LOXL2: variants seen among roughly 807,000 people sequenced by gnomAD.
The protein encoded by LOXL2 is lysyl oxidase like 2.
In LOXL2, 70 loss-of-function variants were observed where a neutral mutation model predicts 93.0. That is an observed-to-expected ratio of 0.75 (90% CI 0.62 to 0.92). LOXL2 has a LOEUF of 0.92. LOXL2 is among the 40% of genes least tolerant of loss of function. The probability of loss-of-function intolerance (pLI) is 0.00; values close to 1 mark genes in which losing one functional copy is unlikely to be tolerated. For missense variants in LOXL2, 973 were observed against 1,054.9 expected, an observed-to-expected ratio of 0.92 and a Z score of 1.08; for synonymous variants, 438 against 413.2, an observed-to-expected ratio of 1.06 and a Z score of -0.73.
chr8:23,330,823 G>A (rs1422000410), intron 5 of LOXL2, among the ~76,000 whole-genome samples: 2 of 151,798 alleles, frequency 1.3e-5, no homozygotes, highest in African/African-American at 4.8e-5. Flanking sequence ...GGGGGGTGGT[G>A]GACTGATTGT....
At chr8:23,355,525 T>C (rs1183301823) in intron 3 of LOXL2, among the ~76,000 whole-genome samples, 1 of 146,120 alleles carries the variant, frequency 6.8e-6, no homozygotes, top group Non-Finnish European at 1.5e-5. Flanking sequence ...TTTTTTTTTT[T>C]TTTTTTTTTT....
At chr8:23,377,960 G>A (rs995757470) in intron 1 of LOXL2, among the ~76,000 whole-genome samples, 7 of 152,170 alleles carry the variant, frequency 4.6e-5, no homozygotes, top group African/African-American at 7.2e-5. Context: ...ATATTGTTAC[G>A]TGTAAATTTG....
chr8:23,316,637 A>C, intron 9 of LOXL2: 1 of 338,304 alleles, frequency 3.0e-6, no homozygotes, highest in East Asian at 5.2e-5. Context: ...ACCTCATTTA[A>C]CTGGCATGAC....
chr8:23,303,387 T>C lies in LOXL2; in HGVS notation c.1891A>G (p.Ser631Gly), dbSNP rs367743749. 6.1e-5 allele frequency: 97 copies of C among 1,600,536 alleles called. No individual in the cohort carries two copies. Among genetic ancestry groups the C allele is most frequent in the Non-Finnish European group, 7.9e-5 (92 of 1,168,078 alleles). ...TCATAGTGGGTGAACACCTCCATGC[T>C]GTGGTAGTGCCTGGAGCGAGAGAGA... ...IWHDCHRHYHSMEVFTHYDLL... is the reference protein window; with the variant it reads ...IWHDCHRHYHGMEVFTHYDLL... The change falls in exon 11 of 14, where the codon AGC becomes GGC. Residue 631 changes from serine (S) to glycine (G), a missense_variant. Transcript: ENST00000389131.
intron 2 of LOXL2, among the ~76,000 whole-genome samples, chr8:23,367,652 G>A (rs1406753600): frequency 6.6e-6 from 1 of 152,216 alleles, no homozygotes; most frequent in Admixed American, 6.5e-5. Flanking sequence ...ATATGGGGCG[G>A]AGAGAGGAGC....
intron 1 of LOXL2, among the ~76,000 whole-genome samples, chr8:23,381,017 C>T (rs4871869): frequency 0.75 from 114,343 of 151,682 alleles, 43,840 homozygotes; most frequent in African/African-American, 0.89. Flanking sequence ...AAAAATAAAA[C>T]AAAAGGAAGA....
At chr8:23,393,697 CTT>C (rs1800046689) in intron 1 of LOXL2, among the ~76,000 whole-genome samples, 1 of 152,068 alleles carries the variant, frequency 6.6e-6, no homozygotes, top group Non-Finnish European at 1.5e-5. Context: ...GTAAATTAAA[CTT>C]TATCAAAATA....
chr8:23,308,823 GTGATGCCGCCCAGC>G (rs1025843473), intron 10 of LOXL2, among the ~76,000 whole-genome samples: 39 of 152,234 alleles, frequency 2.6e-4, no homozygotes, highest in African/African-American at 9.1e-4. Flanking sequence ...GAGGTCCCAG[GTGATGCCGCCCAGC>G]TGACCTGACA....
intron 12 of LOXL2, among the ~76,000 whole-genome samples, chr8:23,301,486 A>T (rs571985504): frequency 1.2e-4 from 19 of 152,318 alleles, no homozygotes; most frequent in African/African-American, 4.3e-4. Flanking sequence ...TCAGTATTTT[A>T]TTCTTATAGA....
Position 23,341,175 on chromosome 8 carries a change from C to T in LOXL2, c.560G>A (p.Arg187Gln), listed in dbSNP as rs756669124. The change falls in exon 4 of 14, where the codon CGG (arginine) becomes CAG (glutamine). Residue 187 changes from arginine to glutamine, a missense_variant. Physicochemically the swap from Arg to Gln is conservative, Grantham distance 43. Transcript: ENST00000389131. ...ENLNIQVEDI[R>Q]IRAILSTYRK... Reference sequence around the variant, plus strand: ...GTAGGTTGAGAGGATGGCTCGAATCCGAATGTCCTCCACCTGGATATTCAG... The same window carrying T: ...GTAGGTTGAGAGGATGGCTCGAATCTGAATGTCCTCCACCTGGATATTCAG... The T allele has an allele frequency of 3.7e-5, 60 of 1,613,302 alleles. No homozygotes were observed. Among genetic ancestry groups the T allele is most frequent in the Non-Finnish European group, 4.4e-5 (52 of 1,179,998 alleles).
At chr8:23,368,864 G>C (rs1216735958) in intron 1 of LOXL2, among the ~76,000 whole-genome samples, 1 of 152,182 alleles carries the variant, frequency 6.6e-6, no homozygotes, top group African/African-American at 2.4e-5. Context: ...CTTAGGAGCT[G>C]TGGCCCTCAC....
At position 23,298,019 on chromosome 8, in the gene LOXL2, C is replaced by CAGGA. The variant is rs1204540131; in HGVS notation, c.*20_*23dup. ...TGGAAGATGTGGTGTGGCCTGAAGA[C>CAGGA]AGGAGTTGACCACGCAGGCTTCTTT... On this transcript the variant is annotated 3_prime_UTR_variant, in exon 14 of 14. Coordinates refer to ENST00000389131, the MANE Select transcript of LOXL2 (RefSeq NM_002318.3). 7 of 1,601,996 alleles carry CAGGA rather than the reference C, an allele frequency of 4.4e-6. No homozygotes were observed. In the Middle Eastern group the frequency reaches 5.2e-4, roughly 120 times the overall value.
chr8:23,388,862 C>T (rs1804803681), intron 1 of LOXL2, among the ~76,000 whole-genome samples: 1 of 152,032 alleles, frequency 6.6e-6, no homozygotes, highest in Non-Finnish European at 1.5e-5. Context: ...CCAGTGCTTG[C>T]TGATCTTGCT....
rs557008925 is a variant in LOXL2, at chr8:23,374,848, C to T, written c.-83-6414G>A. On this transcript the variant is annotated intron_variant, in intron 1 of 13. Coordinates refer to ENST00000389131, the MANE Select transcript of LOXL2 (RefSeq NM_002318.3). ...TCTTTGTAGATTCTGGATATTAGCC[C>T]TTTGTCAGATGAGTAGATTGCAAAA... 3.3e-5 allele frequency among the ~76,000 whole-genome samples: 5 copies of T among 152,224 alleles called. No individual in the cohort carries two copies. In the East Asian group the frequency reaches 7.7e-4, roughly 23 times the overall value.
chr8:23,312,468 A>C (rs1421199374), intron 9 of LOXL2, among the ~76,000 whole-genome samples: 1 of 133,634 alleles, frequency 7.5e-6, no homozygotes. Context: ...AGTGGGCTTC[A>C]TCCCTGGGAT....
rs1180928459 is a variant in LOXL2 at position 23,307,956 on chromosome 8, A to G, written c.1880+1712T>C. On this transcript the variant is annotated intron_variant, in intron 10 of 13. Coordinates refer to ENST00000389131, the MANE Select transcript of LOXL2 (RefSeq NM_002318.3). Reference sequence around the variant, plus strand: ...ACTAGGTCATCAGCTGCGATATGAAAAAAAAAAAAAAAAAAAAGCCAAAGA... The same window carrying G: ...ACTAGGTCATCAGCTGCGATATGAAGAAAAAAAAAAAAAAAAAGCCAAAGA... 8.8e-5 allele frequency among the ~76,000 whole-genome samples: 13 copies of G among 148,494 alleles called. 2 individuals are homozygous for G. Among genetic ancestry groups the G allele is most frequent in the South Asian group, 4.2e-4 (2 of 4,732 alleles).
intron 3 of LOXL2, among the ~76,000 whole-genome samples, chr8:23,353,621 G>A (rs147143328): frequency 4.5e-4 from 68 of 152,248 alleles, no homozygotes; most frequent in African/African-American, 1.6e-3. Flanking sequence ...GGAAAACTGA[G>A]AACCTGCCTG....
intron 10 of LOXL2, among the ~76,000 whole-genome samples, chr8:23,305,736 T>C (rs1219619848): frequency 6.6e-6 from 1 of 152,058 alleles, no homozygotes. Flanking sequence ...AGCCTGACAC[T>C]TGGCGGAGGT....
intron 3 of LOXL2, among the ~76,000 whole-genome samples, chr8:23,358,981 A>G (rs1804243930): frequency 6.6e-6 from 1 of 151,906 alleles, no homozygotes; most frequent in Non-Finnish European, 1.5e-5. Flanking sequence ...AGCTGGGACT[A>G]CAGGCACCCA....
Sources: allele counts gnomAD v4.1 joint callset (sites outside exome capture counted in the v4.1 genomes callset), GRCh38; gene constraint gnomAD v4.1.1; transcripts MANE v1.5; gene names NCBI Gene and HGNC (gene_info 2026-07-23, HGNC 2026-07-21).